Variants in PXN observed in about 807,000 individuals in gnomAD.
PXN encodes paxillin, also known as testicular tissue protein Li 134.
A neutral mutation model predicts 103.6 loss-of-function variants in PXN; 61 were observed. That is an observed-to-expected ratio of 0.59 (90% CI 0.48 to 0.73). The LOEUF is 0.73. Ranked by LOEUF, PXN falls within the 30% of genes least tolerant of loss-of-function variation. The pLI, the probability that PXN is intolerant of heterozygous loss-of-function variation, is 0.00. For synonymous variants in PXN, 562 were observed against 607.8 expected (o/e 0.92, Z 1.11); for missense variants, 1,274 against 1,460.3 (o/e 0.87, Z 2.08).
At chr12:120,243,532 A>C (rs564940804) in intron 1 of PXN, among the ~76,000 whole-genome samples, 2 of 152,220 alleles carry the variant, frequency 1.3e-5, no homozygotes, top group African/African-American at 4.8e-5. Context: ...TCTACAAAAA[A>C]TTTTTAAAAA....
chr12:120,213,777 A>C lies in PXN; in HGVS notation c.2979+65T>G, dbSNP rs1881328491. The C allele has an allele frequency of 6.4e-7, 1 of 1,552,862 alleles. No homozygotes were observed. The highest frequency in any genetic ancestry group is 8.7e-7 in the Non-Finnish European group (1 of 1,146,194). Reference sequence around the variant, plus strand: ...TGAGTTGGATCCAGACAGCACAATGAGGAAGACCCCTCTCTCCCCACTGCC... The same window carrying C: ...TGAGTTGGATCCAGACAGCACAATGCGGAAGACCCCTCTCTCCCCACTGCC... On this transcript the variant is annotated intron_variant, in intron 14 of 14. Coordinates refer to ENST00000637617, the MANE Select transcript of PXN (RefSeq NM_001385981.1). This position sits in a 1 kb window ranked among gnomAD's most constrained non-coding sequence, Gnocchi z 4.2.
chr12:120,252,127 G>C (rs1490840175), intron 1 of PXN, among the ~76,000 whole-genome samples: 8 of 152,280 alleles, frequency 5.3e-5, no homozygotes, highest in Admixed American at 3.9e-4. Flanking sequence ...CAAACCCAGA[G>C]AGAACTCAGG....
chr12:120,258,447 C>G (rs921472790), intron 1 of PXN, among the ~76,000 whole-genome samples: 1 of 152,154 alleles, frequency 6.6e-6, no homozygotes, highest in African/African-American at 2.4e-5. Context: ...CTGAGGCCCC[C>G]CCAGCTACTG....
rs963296315 is a variant in PXN at position 120,215,357 on chromosome 12, C to T, written c.2404-84G>A. On this transcript the variant is annotated intron_variant, in intron 10 of 14. Transcript: ENST00000637617. This position sits in a 1 kb window ranked among gnomAD's most constrained non-coding sequence, Gnocchi z 4.9. ...GCACAGGGATGGGGGTACTTTTCTC[C>T]CTCCTGGACAGATGAGCTGATGGAG... 24 of 1,493,606 alleles carry T rather than the reference C, an allele frequency of 1.6e-5. No individual in the cohort carries two copies. The highest frequency in any genetic ancestry group is 1.9e-5 in the Non-Finnish European group (21 of 1,123,206). The allele number at this position is 1,493,606 out of a possible 1,614,324, so 92.5% of individuals were successfully genotyped here. A position where few individuals can be genotyped will look rare whatever the true frequency, so the allele number is the denominator to read the frequency against.
At chr12:120,223,210 G>A (rs948370188) in intron 3 of PXN, among the ~76,000 whole-genome samples, 2 of 151,908 alleles carry the variant, frequency 1.3e-5, no homozygotes, top group African/African-American at 4.8e-5. Flanking sequence ...TTGGGAGGCT[G>A]AGGCGGGCAG....
At position 120,215,788 on chromosome 12, in the gene PXN, C is replaced by T; in HGVS notation, c.2302-127G>A. 3 of 1,283,806 alleles carry T rather than the reference C, an allele frequency of 2.3e-6. No individual in the cohort carries two copies. Among genetic ancestry groups the T allele is most frequent in the Non-Finnish European group, 3.1e-6 (3 of 978,368 alleles). 79.5% of individuals were successfully genotyped at this position (1,283,806 alleles called of 1,614,324 possible). ...GAGGGTTTCTCCCCCACCGGCAGGA[C>T]CAAAATTGGGGGAAAAAATCTGGAG... On this transcript the variant is annotated intron_variant, in intron 9 of 14. Transcript: ENST00000637617. The surrounding 1 kb of genome is among the most constrained non-coding windows in gnomAD (Gnocchi z 4.9).
chr12:120,255,753 TAGTA>T (rs1594525396), intron 1 of PXN, among the ~76,000 whole-genome samples: 1 of 151,712 alleles, frequency 6.6e-6, no homozygotes, highest in East Asian at 1.9e-4. Context: ...GTAAAAAAGT[TAGTA>T]AGTGCAGGTC....
At position 120,221,870 on chromosome 12, in the gene PXN, G is replaced by A; in HGVS notation, c.696-112C>T. On this transcript the variant is annotated intron_variant, in intron 5 of 14. Coordinates refer to ENST00000637617, the MANE Select transcript of PXN (RefSeq NM_001385981.1). The surrounding 1 kb of genome is among the most constrained non-coding windows in gnomAD (Gnocchi z 6.6). Reference sequence around the variant, plus strand: ...GGGGTCTCACCATCCCCAACCCCAGGGAGGTCCACCAGCTCCCTGTCTCTC... The same window carrying A: ...GGGGTCTCACCATCCCCAACCCCAGAGAGGTCCACCAGCTCCCTGTCTCTC... The A allele has an allele frequency of 7.0e-7, 1 of 1,421,538 alleles. No homozygotes were observed. The highest frequency in any genetic ancestry group is 9.3e-7 in the Non-Finnish European group (1 of 1,074,676). The allele number at this position is 1,421,538 out of a possible 1,614,324, so 88.1% of individuals were successfully genotyped here.
rs1473481739 is a variant in PXN at position 120,230,010 on chromosome 12, C to T, written c.14-5633G>A. Among the ~76,000 whole-genome samples, 6 of 152,202 alleles carry T rather than the reference C, an allele frequency of 3.9e-5. No individual in the cohort carries two copies. The East Asian group carries it at 9.6e-4, about 24-fold the overall frequency. ...CCTCAGGCAGCGCCCCACCTTAGCA[C>T]GCCTTGCATTCTCGAGGCCTGGCCC... On this transcript the variant is annotated intron_variant, in intron 1 of 14. Coordinates refer to ENST00000637617, the MANE Select transcript of PXN (RefSeq NM_001385981.1).
Position 120,214,075 on chromosome 12 carries a change from C to A in PXN, c.2830+61G>T. The stretch of plus-strand genomic sequence containing the variant: ...TGACTCCAACCTCAGCAGCGTCTCC[C>A]ACCCCCACCTCCCCGGCCCTCCTAA... On this transcript the variant is annotated intron_variant, in intron 13 of 14. Coordinates refer to ENST00000637617, the MANE Select transcript of PXN (RefSeq NM_001385981.1). This position sits in a 1 kb window ranked among gnomAD's most constrained non-coding sequence, Gnocchi z 5.0. The A allele has an allele frequency of 6.4e-7, 1 of 1,567,354 alleles. No homozygotes were observed. Among genetic ancestry groups the A allele is most frequent in the Non-Finnish European group, 8.6e-7 (1 of 1,156,900 alleles).
Position 120,217,209 on chromosome 12 carries a change from A to C in PXN, c.1717-93T>G. 9.3e-7 allele frequency: 1 copy of C among 1,080,204 alleles called. No homozygotes were observed. The highest frequency in any genetic ancestry group is 1.4e-5 in the South Asian group (1 of 72,196). The allele number at this position is 1,080,204 out of a possible 1,614,324, so 66.9% of individuals were successfully genotyped here. A position where few individuals can be genotyped will look rare whatever the true frequency, so the allele number is the denominator to read the frequency against. ...ACTCAGATGCCTCAGGAGAGGGAGC[A>C]CAAAAGAAAACCACCAAAGAACCAA... On this transcript the variant is annotated intron_variant, in intron 7 of 14. Coordinates refer to ENST00000637617, the MANE Select transcript of PXN (RefSeq NM_001385981.1). The surrounding 1 kb of genome is among the most constrained non-coding windows in gnomAD (Gnocchi z 4.1).
At chr12:120,245,387 G>A (rs1245824989) in intron 1 of PXN, among the ~76,000 whole-genome samples, 2 of 151,856 alleles carry the variant, frequency 1.3e-5, no homozygotes, top group Non-Finnish European at 2.9e-5. Flanking sequence ...TAGCCAGGGA[G>A]GAAGAAGACA....
chr12:120,254,560 GT>G (rs1318635601), intron 1 of PXN, among the ~76,000 whole-genome samples: 1 of 151,528 alleles, frequency 6.6e-6, no homozygotes, highest in Non-Finnish European at 1.5e-5. Flanking sequence ...TTTTTGTTTT[GT>G]TTTTTTTGAA....
Position 120,213,910 on chromosome 12 carries a change from G to A in PXN, c.2911C>T (p.Arg971Trp), listed in dbSNP as rs768579833. Residue 971 changes from arginine to tryptophan, a missense_variant, in exon 14 of 15, where the codon CGG becomes TGG. Physicochemically the swap from Arg to Trp is moderately radical, Grantham distance 101. Transcript: ENST00000637617. The surrounding 1 kb of genome is among the most constrained non-coding windows in gnomAD (Gnocchi z 4.2). ...GAGATATAGTTCTCCAGGATGGCCC[G>A]GGCGCAGCCGCCACACTTGGGTGCG... is the stretch of plus-strand genomic sequence containing the variant. ...MFAPKCGGCA[R>W]AILENYISAL... The A allele has an allele frequency of 1.8e-4, 292 of 1,610,798 alleles. No individual in the cohort carries two copies. The highest frequency in any genetic ancestry group is 2.3e-4 in the Non-Finnish European group (277 of 1,178,956).
Position 120,228,152 on chromosome 12 carries a change from G to A in PXN, c.14-3775C>T, listed in dbSNP as rs994475944. On this transcript the variant is annotated intron_variant, in intron 1 of 14. Transcript: ENST00000637617. The surrounding 1 kb of genome is among the most constrained non-coding windows in gnomAD (Gnocchi z 4.7). ...TGCTGGGAGGACAGATTCCAGACAC[G>A]CTGCTCGGAAGTAGTCGGGAGACCT... 6.6e-6 allele frequency among the ~76,000 whole-genome samples: 1 copy of A among 152,186 alleles called. No homozygotes were observed. Among genetic ancestry groups the A allele is most frequent in the African/African-American group, 2.4e-5 (1 of 41,438 alleles).
At position 120,265,367 on chromosome 12, in the gene PXN, CG is replaced by C. The variant is rs1273976028; in HGVS notation, c.13+249del. On this transcript the variant is annotated intron_variant, in intron 1 of 14. Transcript: ENST00000637617. The surrounding 1 kb of genome is among the most constrained non-coding windows in gnomAD (Gnocchi z 5.7). ...GGAGATGGTGATGGGTCCCCGAGGT[CG>C]GGGGTCCAGAGGTGAAGCCGTCCCA... Among the ~76,000 whole-genome samples the C allele has an allele frequency of 6.6e-6, 1 of 152,040 alleles. No individual in the cohort carries two copies. The highest frequency in any genetic ancestry group is 1.9e-4 in the East Asian group (1 of 5,156).
intron 1 of PXN, among the ~76,000 whole-genome samples, chr12:120,239,952 T>C (rs1380228579): frequency 6.6e-6 from 1 of 151,092 alleles, no homozygotes; most frequent in African/African-American, 2.4e-5. Context: ...TTGGCCCACT[T>C]CATCCATTCA....
At position 120,216,674 on chromosome 12, in the gene PXN, T is replaced by C. The variant is rs760945482; in HGVS notation, c.1993-93A>G. 1 of 1,582,858 alleles carries C rather than the reference T, an allele frequency of 6.3e-7. No homozygotes were observed. Among genetic ancestry groups the C allele is most frequent in the South Asian group, 1.1e-5 (1 of 88,892 alleles). ...ACCTCCCCAGGCTCCCCCTGGGCCT[T>C]CCCACTCTGCACCAAGAGTGGGGCC... On this transcript the variant is annotated intron_variant, in intron 8 of 14. Coordinates refer to ENST00000637617, the MANE Select transcript of PXN (RefSeq NM_001385981.1). The surrounding 1 kb of genome is among the most constrained non-coding windows in gnomAD (Gnocchi z 5.1).
chr12:120,263,408 T>C (rs371669763), intron 1 of PXN, among the ~76,000 whole-genome samples: 7 of 152,144 alleles, frequency 4.6e-5, no homozygotes, highest in East Asian at 3.9e-4. Context: ...TAGAAAGCAG[T>C]AGAAGTTACA....
Sources: gnomAD v4.1 joint callset for allele counts (sites outside exome capture counted in the v4.1 genomes callset) on GRCh38, gnomAD v4.1.1 for gene constraint, Gnocchi (gnomAD v3.1) non-coding constraint, MANE v1.5 for transcripts, NCBI Gene and HGNC (gene_info 2026-07-23, HGNC 2026-07-21) for gene names.